ZNF385D: variants seen among roughly 807,000 people sequenced by gnomAD.
ZNF385D encodes the protein zinc finger protein 659.
A neutral mutation model predicts 35.8 loss-of-function variants in ZNF385D; 15 were observed. The observed-to-expected ratio is 0.42, with a 90% CI of 0.28 to 0.64. The LOEUF is 0.64. Ranked by LOEUF, ZNF385D falls within the 30% of genes least tolerant of loss-of-function variation. The probability of loss-of-function intolerance (pLI) is 0.23; values close to 1 mark genes in which losing one functional copy is unlikely to be tolerated. For synonymous variants in ZNF385D, 212 were observed against 186.8 expected, an observed-to-expected ratio of 1.13 and a Z score of -1.10; for missense variants, 474 against 494.6, an observed-to-expected ratio of 0.96 and a Z score of 0.39.
intron 3 of ZNF385D, among the ~76,000 whole-genome samples, chr3:22,089,119 A>G (rs2125597928): frequency 6.6e-6 from 1 of 152,320 alleles, no homozygotes; most frequent in East Asian, 1.9e-4. Context: ...GGCATGAGTA[A>G]ATTGGCTAGA....
In ZNF385D at chr3:22,144,475, A is replaced by C. The variant is rs116587743; in HGVS notation, c.325+24342T>G. On this transcript the variant is annotated intron_variant, in intron 3 of 5. Transcript: ENST00000494108. The stretch of plus-strand genomic sequence containing the variant: ...ATGCCTTCGAGCTACTGCGGAGGCT[A>C]AGGCAGGAAATTGCTTGAAGACAGG... Among the ~76,000 whole-genome samples, 867 of 149,320 alleles carry C rather than the reference A, an allele frequency of 5.8e-3. 6 individuals are homozygous for C. The highest frequency in any genetic ancestry group is 0.019 in the African/African-American group (763 of 40,814).
chr3:22,259,018 CAT>C (rs909684735), intron 2 of ZNF385D, among the ~76,000 whole-genome samples: 1 of 133,980 alleles, frequency 7.5e-6, no homozygotes, highest in Non-Finnish European at 1.7e-5. Flanking sequence ...CAAAACTTGA[CAT>C]GTGGTAATTT....
At chr3:22,166,511 A>G (rs894122301) in intron 3 of ZNF385D, among the ~76,000 whole-genome samples, 9 of 152,208 alleles carry the variant, frequency 5.9e-5, no homozygotes, top group Admixed American at 2.6e-4. Flanking sequence ...TGTGACCTTC[A>G]GCATAGTATT....
chr3:21,971,205 A>C (rs969485227), intron 3 of ZNF385D, among the ~76,000 whole-genome samples: 1 of 152,084 alleles, frequency 6.6e-6, no homozygotes, highest in Non-Finnish European at 1.5e-5. Flanking sequence ...TGTATAAACT[A>C]CTCATACCCA....
At chr3:22,089,427 G>A (rs1218263562) in intron 3 of ZNF385D, among the ~76,000 whole-genome samples, 2 of 152,156 alleles carry the variant, frequency 1.3e-5, no homozygotes, top group Non-Finnish European at 2.9e-5. Flanking sequence ...AGGAAGAAAG[G>A]GTTTTATTTC....
At chr3:22,065,157 G>T (rs1483530534) in intron 3 of ZNF385D, among the ~76,000 whole-genome samples, 1 of 152,164 alleles carries the variant, frequency 6.6e-6, no homozygotes, top group Non-Finnish European at 1.5e-5. Context: ...TTGAGAGAGT[G>T]TGGAGTTAGT....
chr3:21,979,456 C>T (rs1465565948), intron 3 of ZNF385D, among the ~76,000 whole-genome samples: 1 of 152,176 alleles, frequency 6.6e-6, no homozygotes, highest in Non-Finnish European at 1.5e-5. Context: ...GCTGAAACCA[C>T]AACTCAGTTA....
chr3:22,140,145 T>C (rs185351075), intron 3 of ZNF385D, among the ~76,000 whole-genome samples: 7 of 152,332 alleles, frequency 4.6e-5, no homozygotes, highest in Non-Finnish European at 7.3e-5. Context: ...ACTCTGTACA[T>C]AAATGTTTAT....
intron 3 of ZNF385D, among the ~76,000 whole-genome samples, chr3:22,149,836 C>CT (rs368936962): frequency 2.6e-5 from 4 of 151,836 alleles, no homozygotes; most frequent in East Asian, 1.9e-4. Context: ...AAGTCTCAGA[C>CT]TTTTTTTTGT....
At chr3:22,233,111 T>C (rs79211071) in intron 2 of ZNF385D, among the ~76,000 whole-genome samples, 6,560 of 152,244 alleles carry the variant, frequency 0.043, 214 homozygotes, top group South Asian at 0.11. Context: ...CGTTTCTCTA[T>C]TGAGTCCTCT....
intron 2 of ZNF385D, among the ~76,000 whole-genome samples, chr3:22,170,632 A>G (rs567038533): frequency 6.6e-6 from 1 of 152,216 alleles, no homozygotes; most frequent in South Asian, 2.1e-4. Context: ...TTAAATGGTC[A>G]TTTTAAAAGA....
At chr3:22,162,674 A>G (rs1706040236) in intron 3 of ZNF385D, among the ~76,000 whole-genome samples, 1 of 152,174 alleles carries the variant, frequency 6.6e-6, no homozygotes, top group African/African-American at 2.4e-5. Context: ...ACCTCAGGAT[A>G]AGGTATAAAC....
chr3:21,893,619 G>T (rs9826135), intron 3 of ZNF385D, among the ~76,000 whole-genome samples: 35,974 of 152,020 alleles, frequency 0.24, 4,355 homozygotes, highest in Middle Eastern at 0.3. Context: ...ATCAGTTATC[G>T]TTAGAAGTTC....
intron 3 of ZNF385D, among the ~76,000 whole-genome samples, chr3:21,923,571 G>A (rs1188679698): frequency 6.6e-6 from 1 of 152,034 alleles, no homozygotes; most frequent in Non-Finnish European, 1.5e-5. Flanking sequence ...TGTTCCTCAT[G>A]GCACTATTTA....
intron 3 of ZNF385D, among the ~76,000 whole-genome samples, chr3:21,767,653 G>A (rs1009781163): frequency 6.6e-6 from 1 of 151,916 alleles, no homozygotes; most frequent in Non-Finnish European, 1.5e-5. Flanking sequence ...GAATTGATGA[G>A]TGGTGAATGG....
chr3:22,014,828 A>G (rs1158119425), intron 3 of ZNF385D, among the ~76,000 whole-genome samples: 5 of 152,180 alleles, frequency 3.3e-5, no homozygotes, highest in Non-Finnish European at 7.4e-5. Context: ...AAAATGGCTG[A>G]CCAAAAGTAA....
At chr3:21,492,677 G>A (rs1174029170) in intron 4 of ZNF385D, among the ~76,000 whole-genome samples, 2 of 151,700 alleles carry the variant, frequency 1.3e-5, no homozygotes, top group African/African-American at 2.4e-5. Context: ...CCAGCTACTC[G>A]GGAGGATGAG....
chr3:22,015,043 TTC>T (rs1444140962), intron 3 of ZNF385D, among the ~76,000 whole-genome samples: 1 of 152,116 alleles, frequency 6.6e-6, no homozygotes, highest in Admixed American at 6.5e-5. Context: ...ACTGTGTAAT[TTC>T]TTTTTTTTTA....
At chr3:21,684,384 CTCTCTCTCTCTCTCTCTCTCCTCTCTCT>C (rs2067022157) in intron 1 of ZNF385D, among the ~76,000 whole-genome samples, 1 of 89,316 alleles carries the variant, frequency 1.1e-5, no homozygotes, top group Non-Finnish European at 2.0e-5. Context: ...CTCTCTCTCT[CTCTCTCTCTCTCTCTCTCTCCTCTCTCT>C]CTCTCTCTCT....
Sources: allele counts gnomAD v4.1 joint callset (sites outside exome capture counted in the v4.1 genomes callset), GRCh38; gene constraint gnomAD v4.1.1; transcripts MANE v1.5; gene names NCBI Gene and HGNC (gene_info 2026-07-23, HGNC 2026-07-21).